The following MPHOSPH8 variants were observed in gnomAD, a reference collection of about 807,000 sequenced individuals.
The protein encoded by MPHOSPH8 is M-phase phosphoprotein, mpp.
MPHOSPH8 carries 45 observed loss-of-function variants against 87.3 expected under a neutral mutation model. The ratio of observed to expected loss-of-function variants is 0.52; its 90% CI spans 0.41 to 0.66. The LOEUF (loss-of-function observed/expected upper bound fraction) is 0.66, where lower values mean the gene tolerates loss of function less well. Ranked by LOEUF, MPHOSPH8 falls within the 30% of genes least tolerant of loss-of-function variation. MPHOSPH8 has a pLI of 0.00. For missense variants in MPHOSPH8, 883 were observed against 1,020.2 expected, an observed-to-expected ratio of 0.87 and a Z score of 1.83; for synonymous variants, 366 against 376.9, an observed-to-expected ratio of 0.97 and a Z score of 0.33.
chr13:19,661,240 A>G (rs1298644683), intron 7 of MPHOSPH8: 1 of 153,026 alleles, frequency 6.5e-6, no homozygotes, highest in Non-Finnish European at 1.5e-5. Flanking sequence ...GGTTTACACT[A>G]TACTGTAGTC....
intron 5 of MPHOSPH8, among the ~76,000 whole-genome samples, chr13:19,652,017 G>A (rs1240580537): frequency 6.6e-6 from 1 of 152,096 alleles, no homozygotes; most frequent in Admixed American, 6.5e-5. Context: ...CAGGAGAATC[G>A]CTTGAACCCA....
chr13:19,645,792 C>CA (rs1301979430), intron 2 of MPHOSPH8, among the ~76,000 whole-genome samples: 1 of 151,540 alleles, frequency 6.6e-6, no homozygotes, highest in Non-Finnish European at 1.5e-5. Context: ...TCTCTACCCC[C>CA]AAGTCATTTA....
intron 9 of MPHOSPH8, among the ~76,000 whole-genome samples, chr13:19,665,444 G>C (rs1875759810): frequency 1.3e-5 from 2 of 152,218 alleles, no homozygotes; most frequent in Admixed American, 1.3e-4. Context: ...GTTGGTCCCA[G>C]AAGGGCCTCT....
intron 1 of MPHOSPH8, among the ~76,000 whole-genome samples, chr13:19,640,037 C>T (rs1430536210): frequency 6.6e-6 from 1 of 151,750 alleles, no homozygotes; most frequent in Non-Finnish European, 1.5e-5. Flanking sequence ...ACCCGGGAGG[C>T]GGAGGTTGCA....
At chr13:19,640,420 C>T (rs905367150) in intron 1 of MPHOSPH8, among the ~76,000 whole-genome samples, 1 of 152,128 alleles carries the variant, frequency 6.6e-6, no homozygotes, top group Non-Finnish European at 1.5e-5. Context: ...AGGAGGCAGG[C>T]CCTGCTGTAG....
chr13:19,658,684 CT>C (rs1281006085), intron 5 of MPHOSPH8, among the ~76,000 whole-genome samples: 1 of 152,208 alleles, frequency 6.6e-6, no homozygotes, highest in Admixed American at 6.5e-5. Flanking sequence ...TGCATTTCCT[CT>C]TACCAGATCC....
At chr13:19,658,195 A>G (rs1287421309) in intron 5 of MPHOSPH8, among the ~76,000 whole-genome samples, 1 of 152,158 alleles carries the variant, frequency 6.6e-6, no homozygotes, top group Non-Finnish European at 1.5e-5. Context: ...CATTTATTGC[A>G]TATGTTTTAC....
intron 1 of MPHOSPH8, among the ~76,000 whole-genome samples, chr13:19,641,299 T>TA (rs1227438617): frequency 1.3e-5 from 2 of 149,154 alleles, no homozygotes; most frequent in African/African-American, 5.0e-5. Flanking sequence ...GGACCACAGT[T>TA]ACATGCCACT....
Position 19,672,867 on chromosome 13 carries a change from G to C in MPHOSPH8, c.*992G>C, listed in dbSNP as rs1876214638. On this transcript the variant is annotated 3_prime_UTR_variant, in exon 14 of 14. Coordinates refer to ENST00000361479, the MANE Select transcript of MPHOSPH8 (RefSeq NM_017520.4). ...ATAATCCCAGCGCTTTGGAGGCTGA[G>C]GTTGGAGGATTGCTTAAGTCCAGGA... 5.8e-6 allele frequency: 2 copies of C among 346,144 alleles called. No homozygotes were observed. The highest frequency in any genetic ancestry group is 1.1e-5 in the Non-Finnish European group (2 of 177,246). 21.4% of individuals were successfully genotyped at this position (346,144 alleles called of 1,614,324 possible).
chr13:19,636,453 C>G (rs1874013136), intron 1 of MPHOSPH8, among the ~76,000 whole-genome samples: 1 of 151,684 alleles, frequency 6.6e-6, no homozygotes, highest in African/African-American at 2.4e-5. Flanking sequence ...ATAGAGTAAG[C>G]AGAGAATTAA....
chr13:19,659,179 C>T (rs750788456), intron 6 of MPHOSPH8, 22 bp from the exon 7 acceptor site: 1 of 1,608,018 alleles, frequency 6.2e-7, no homozygotes, highest in African/African-American at 1.3e-5. Context: ...TAAAATCTAA[C>T]TTATTTTTTC....
Position 19,647,217 on chromosome 13 carries a change from T to C in MPHOSPH8, c.1144T>C (p.Ser382Pro). 6.2e-7 allele frequency: 1 copy of C among 1,614,142 alleles called. No homozygotes were observed. The highest frequency in any genetic ancestry group is 8.5e-7 in the Non-Finnish European group (1 of 1,180,022). The stretch of plus-strand genomic sequence containing the variant: ...AGAGTTAGAGAAGCTGATGCCTGTA[T>C]CTGCCCAAACGCCAAAGGGCCGGAG... The part of the protein sequence containing the change: ...AAELEKLMPV[S>P]AQTPKGRRLS... Residue 382 changes from serine (S) to proline (P), a missense_variant, in exon 3 of 14, where the codon TCT becomes CCT. Around this residue, in one of 3 missense-constraint regions of MPHOSPH8, gnomAD observed 741 missense variants for 841.5 expected, o/e 0.88. Transcript: ENST00000361479.
chr13:19,664,903 G>T (rs1196712426), intron 9 of MPHOSPH8, among the ~76,000 whole-genome samples: 7 of 152,118 alleles, frequency 4.6e-5, no homozygotes, highest in Admixed American at 4.6e-4. Context: ...GGTCATCCAT[G>T]GGGAATTGGA....
rs936565280 is a variant in MPHOSPH8, at chr13:19,663,138, C to T, written c.2019+12C>T. ...CTGCACTGATGAAGGTAAATCCCTC[C>T]TGCAGGTCATCCCTTTCTTCACTAC... On this transcript the variant is annotated intron_variant, in intron 9 of 13. Coordinates refer to ENST00000361479, the MANE Select transcript of MPHOSPH8 (RefSeq NM_017520.4). The T allele has an allele frequency of 6.2e-7, 1 of 1,605,308 alleles. No individual in the cohort carries two copies. Among genetic ancestry groups the T allele is most frequent in the Non-Finnish European group, 8.5e-7 (1 of 1,172,426 alleles).
chr13:19,642,929 A>G (rs1286804377), intron 2 of MPHOSPH8, among the ~76,000 whole-genome samples: 1 of 152,188 alleles, frequency 6.6e-6, no homozygotes, highest in Non-Finnish European at 1.5e-5. Context: ...ATGTGTGTAT[A>G]CTACATAACT....
At chr13:19,641,480 CTTTTTTTTTTT>C (rs869295535) in intron 1 of MPHOSPH8, among the ~76,000 whole-genome samples, 2 of 72,258 alleles carry the variant, frequency 2.8e-5, no homozygotes, top group Non-Finnish European at 4.8e-5. Context: ...GTGCCACCAT[CTTTTTTTTTTT>C]TTTTTTTTTT....
chr13:19,633,669 A>G lies in MPHOSPH8; in HGVS notation c.-80A>G. 6.8e-7 allele frequency: 1 copy of G among 1,466,496 alleles called. No individual in the cohort carries two copies. The highest frequency in any genetic ancestry group is 9.3e-7 in the Non-Finnish European group (1 of 1,072,140). The allele number at this position is 1,466,496 out of a possible 1,614,324, so 90.8% of individuals were successfully genotyped here. Reference sequence around the variant, plus strand: ...TTCCGTTACGCCGCTGATGTGGAGTAGGGCCGAGCGCGGAACGCGAGGGGC... The same window carrying G: ...TTCCGTTACGCCGCTGATGTGGAGTGGGGCCGAGCGCGGAACGCGAGGGGC... On this transcript the variant is annotated 5_prime_UTR_variant, in exon 1 of 14. Coordinates refer to ENST00000361479, the MANE Select transcript of MPHOSPH8 (RefSeq NM_017520.4).
chr13:19,657,847 A>G (rs1351035133), intron 5 of MPHOSPH8, among the ~76,000 whole-genome samples: 1 of 152,164 alleles, frequency 6.6e-6, no homozygotes, highest in Non-Finnish European at 1.5e-5. Flanking sequence ...GGGGCATAGC[A>G]GGTGGGGGCT....
intron 10 of MPHOSPH8, 124 bp from the exon 11 acceptor site, chr13:19,668,253 G>T (rs917828958): frequency 2.7e-6 from 2 of 750,984 alleles, no homozygotes; most frequent in Admixed American, 5.6e-5. Flanking sequence ...GAGCTGGAAA[G>T]CGGAGGCAGG....
Sources: gnomAD v4.1 joint callset for allele counts (sites outside exome capture counted in the v4.1 genomes callset) on GRCh38, gnomAD v4.1.1 for gene constraint, gnomAD v4.1.1 regional missense constraint, MANE v1.5 for transcripts, NCBI Gene and HGNC (gene_info 2026-07-23, HGNC 2026-07-21) for gene names.